Variants in RAMP1 observed in about 807,000 individuals in gnomAD.
RAMP1 encodes receptor activity modifying protein 1, also known as receptor activity-modifying protein 1.
A neutral mutation model predicts 8.2 loss-of-function variants in RAMP1; 7 were observed. The ratio of observed to expected loss-of-function variants is 0.85; its 90% CI spans 0.49 to 1.60. RAMP1 has a LOEUF of 1.60. Among genes scored for constraint, RAMP1 ranks in the 40% most tolerant of loss-of-function variants. The probability of loss-of-function intolerance (pLI) is 0.00; values close to 1 mark genes in which losing one functional copy is unlikely to be tolerated. For synonymous variants in RAMP1, 92 were observed against 84.7 expected, an observed-to-expected ratio of 1.09 and a Z score of -0.47; for missense variants, 192 against 202.4, an observed-to-expected ratio of 0.95 and a Z score of 0.31.
At chr2:237,871,462 C>A (rs1039788455) in intron 1 of RAMP1, among the ~76,000 whole-genome samples, 1 of 152,166 alleles carries the variant, frequency 6.6e-6, no homozygotes, top group Non-Finnish European at 1.5e-5. Flanking sequence ...AGATGCTCAC[C>A]GGGGACAGAG....
Position 237,902,480 on chromosome 2 carries a change from A to G in RAMP1, c.192-9048A>G, listed in dbSNP as rs551788718. Among the ~76,000 whole-genome samples the G allele has an allele frequency of 1.5e-3, 231 of 150,850 alleles. 1 individual carries two copies. The highest frequency in any genetic ancestry group is 5.6e-3 in the African/African-American group (227 of 40,476). On this transcript the variant is annotated intron_variant, in intron 2 of 2. Coordinates refer to ENST00000254661, the MANE Select transcript of RAMP1 (RefSeq NM_005855.4). ...AGGTCTCCGCAGAGGGGGTGGGGGG[A>G]ACACAGCGAGGAGGAAAGTGGGGTC...
At chr2:237,869,893 G>A (rs1236179476) in intron 1 of RAMP1, 1 of 152,266 alleles carries the variant, frequency 6.6e-6, no homozygotes, top group African/African-American at 2.4e-5. Context: ...ACAAGGCTCT[G>A]GTTCTCAGGG....
At chr2:237,864,627 G>C (rs182502951) in intron 1 of RAMP1, among the ~76,000 whole-genome samples, 1 of 152,220 alleles carries the variant, frequency 6.6e-6, no homozygotes, top group Non-Finnish European at 1.5e-5. Flanking sequence ...GGACTCGGAG[G>C]GGGCAAAGGA....
At chr2:237,876,275 G>A (rs755864921) in intron 1 of RAMP1, among the ~76,000 whole-genome samples, 1 of 152,208 alleles carries the variant, frequency 6.6e-6, no homozygotes, top group South Asian at 2.1e-4. Context: ...CCCTGGGCCC[G>A]AGGCTGCAAG....
intron 2 of RAMP1, among the ~76,000 whole-genome samples, chr2:237,903,186 C>T (rs1406328758): frequency 6.6e-6 from 1 of 152,188 alleles, no homozygotes; most frequent in Non-Finnish European, 1.5e-5. Flanking sequence ...TGTTTTTCCA[C>T]ATCTTAAAAT....
chr2:237,874,926 CTT>C (rs1488682016), intron 1 of RAMP1, among the ~76,000 whole-genome samples: 1 of 152,108 alleles, frequency 6.6e-6, no homozygotes, highest in Non-Finnish European at 1.5e-5. Flanking sequence ...CCGGGGGCCT[CTT>C]GGAGGACAGG....
chr2:237,891,236 C>T (rs2062485353), intron 2 of RAMP1, among the ~76,000 whole-genome samples: 1 of 151,436 alleles, frequency 6.6e-6, no homozygotes, highest in African/African-American at 2.4e-5. Flanking sequence ...CTGCAAGCTC[C>T]GCCTCCCGGG....
At chr2:237,888,200 C>A (rs1040136890) in intron 2 of RAMP1, among the ~76,000 whole-genome samples, 4 of 151,956 alleles carry the variant, frequency 2.6e-5, no homozygotes, top group African/African-American at 9.7e-5. Context: ...ATTACAGGTG[C>A]CTGCCACCAT....
chr2:237,903,792 C>T (rs1004938818), intron 2 of RAMP1, among the ~76,000 whole-genome samples: 3 of 152,170 alleles, frequency 2.0e-5, no homozygotes, highest in African/African-American at 7.2e-5. Flanking sequence ...CCTCCCAGGT[C>T]CACGCCATTC....
At chr2:237,874,861 A>G (rs1576538306) in intron 1 of RAMP1, among the ~76,000 whole-genome samples, 1 of 151,720 alleles carries the variant, frequency 6.6e-6, no homozygotes, top group African/African-American at 2.4e-5. Flanking sequence ...TGAGGCTCTG[A>G]GGAAATGGGC....
chr2:237,886,599 C>T (rs954720161), intron 2 of RAMP1, among the ~76,000 whole-genome samples: 2 of 152,200 alleles, frequency 1.3e-5, no homozygotes, highest in Non-Finnish European at 2.9e-5. Flanking sequence ...CACCCCTCCA[C>T]ACCCAGGGAC....
At chr2:237,891,295 C>T (rs183504768) in intron 2 of RAMP1, among the ~76,000 whole-genome samples, 38 of 152,124 alleles carry the variant, frequency 2.5e-4, no homozygotes, top group African/African-American at 8.7e-4. Flanking sequence ...GGACTACAGG[C>T]GCCCGCCACC....
rs1401174727 is a variant in RAMP1 at position 237,878,720 on chromosome 2, A to G, written c.191+1358A>G. ...CAGGCCCAGAGTCCGTGCTCAGTGC[A>G]CTGTTGTTGAGGCGACTCTGTACCT... On this transcript the variant is annotated intron_variant, in intron 2 of 2. Transcript: ENST00000254661. The surrounding 1 kb of genome is among the most constrained non-coding windows in gnomAD (Gnocchi z 5.7). 6.6e-6 allele frequency among the ~76,000 whole-genome samples: 1 copy of G among 152,332 alleles called. No homozygotes were observed. Among genetic ancestry groups the G allele is most frequent in the African/African-American group, 2.4e-5 (1 of 41,592 alleles).
At chr2:237,910,136 C>T (rs576134246) in intron 2 of RAMP1, among the ~76,000 whole-genome samples, 10 of 152,032 alleles carry the variant, frequency 6.6e-5, no homozygotes, top group Admixed American at 6.6e-5. Context: ...TCACACGTAC[C>T]CGGTCACACA....
intron 1 of RAMP1, chr2:237,874,749 T>C: frequency 1.1e-6 from 1 of 946,700 alleles, no homozygotes; most frequent in Non-Finnish European, 1.3e-6. Context: ...AATATGAATG[T>C]GCAAAGCTGC....
chr2:237,898,591 A>G (rs1290913863), intron 2 of RAMP1, among the ~76,000 whole-genome samples: 4 of 152,218 alleles, frequency 2.6e-5, no homozygotes. Context: ...CAAACAGTTA[A>G]CAAGACTTCC....
rs558481910 is a variant in RAMP1 at position 237,890,747 on chromosome 2, T to A, written c.191+13385T>A. Among the ~76,000 whole-genome samples the A allele has an allele frequency of 1.3e-3, 198 of 151,938 alleles. 3 individuals carry two copies. The highest frequency in any genetic ancestry group is 2.5e-3 in the Non-Finnish European group (167 of 68,020). On this transcript the variant is annotated intron_variant, in intron 2 of 2. Transcript: ENST00000254661. ...ATAGTATTCCTTTACGTGTTTAATA[T>A]CCCTTAGACTCAAGCTTATGCCTCC...
chr2:237,903,446 G>C (rs1245497532), intron 2 of RAMP1, among the ~76,000 whole-genome samples: 3 of 152,152 alleles, frequency 2.0e-5, no homozygotes, highest in South Asian at 4.1e-4. Context: ...CAGAAAAATT[G>C]TACCAGTTTA....
intron 2 of RAMP1, among the ~76,000 whole-genome samples, chr2:237,885,431 G>A (rs993805549): frequency 1.2e-4 from 19 of 152,236 alleles, no homozygotes; most frequent in Non-Finnish European, 2.6e-4. Context: ...GGGCTGCCTC[G>A]GTGCCCTCGT....
Sources: gnomAD v4.1 joint callset for allele counts (sites outside exome capture counted in the v4.1 genomes callset) on GRCh38, gnomAD v4.1.1 for gene constraint, Gnocchi (gnomAD v3.1) non-coding constraint, MANE v1.5 for transcripts, NCBI Gene and HGNC (gene_info 2026-07-23, HGNC 2026-07-21) for gene names.